PCP4: variants seen among roughly 807,000 people sequenced by gnomAD.
The protein encoded by PCP4 is calmodulin regulator protein PCP4.
In PCP4, 8 loss-of-function variants were observed where a neutral mutation model predicts 10.0. The observed-to-expected ratio is 0.80, with a 90% CI of 0.47 to 1.45. The LOEUF is 1.45. PCP4 is among the 40% of genes most tolerant of loss of function. The pLI is 0.00. For missense variants in PCP4, 54 were observed against 74.4 expected, an observed-to-expected ratio of 0.73 and a Z score of 1.01; for synonymous variants, 21 against 23.0, an observed-to-expected ratio of 0.91 and a Z score of 0.24.
chr21:39,873,113 A>G (rs144994076), intron 1 of PCP4, among the ~76,000 whole-genome samples: 41 of 152,268 alleles, frequency 2.7e-4, no homozygotes, highest in Admixed American at 3.9e-4. Flanking sequence ...GATAAGCTCA[A>G]TGAAACTCAA....
chr21:39,908,562 C>G (rs531213344), intron 2 of PCP4, among the ~76,000 whole-genome samples: 61 of 152,240 alleles, frequency 4.0e-4, no homozygotes, highest in African/African-American at 1.4e-3. Context: ...AGCCACACAC[C>G]CACAGACTGT....
At chr21:39,907,323 C>T (rs1049103032) in intron 2 of PCP4, among the ~76,000 whole-genome samples, 1 of 152,086 alleles carries the variant, frequency 6.6e-6, no homozygotes, top group Non-Finnish European at 1.5e-5. Context: ...GGGCAGAAGT[C>T]CCCAGGGTCA....
chr21:39,913,927 G>T (rs2087554514), intron 2 of PCP4, among the ~76,000 whole-genome samples: 1 of 148,208 alleles, frequency 6.7e-6, no homozygotes, highest in South Asian at 2.2e-4. Flanking sequence ...GGCGGGAAGT[G>T]CCCCATGAGA....
intron 2 of PCP4, among the ~76,000 whole-genome samples, chr21:39,908,639 G>A (rs1187882159): frequency 6.6e-6 from 1 of 152,156 alleles, no homozygotes; most frequent in Non-Finnish European, 1.5e-5. Flanking sequence ...ACTGAGCAGA[G>A]TCTCTGGATG....
At chr21:39,887,913 G>A (rs927161944) in intron 1 of PCP4, among the ~76,000 whole-genome samples, 2 of 152,240 alleles carry the variant, frequency 1.3e-5, no homozygotes, top group South Asian at 4.1e-4. Flanking sequence ...TCTCTGCTGT[G>A]TGGGGTATTA....
At chr21:39,884,684 C>T (rs2087391422) in intron 1 of PCP4, among the ~76,000 whole-genome samples, 1 of 151,926 alleles carries the variant, frequency 6.6e-6, no homozygotes, top group African/African-American at 2.4e-5. Context: ...GTAATCCCAG[C>T]TACTCGGGAG....
At chr21:39,893,896 A>G (rs948223386) in intron 1 of PCP4, among the ~76,000 whole-genome samples, 2 of 152,186 alleles carry the variant, frequency 1.3e-5, no homozygotes, top group African/African-American at 4.8e-5. Context: ...GTCTCTGATG[A>G]TGTAGATAGA....
rs528310664 is a variant in PCP4, at chr21:39,905,902, G to T, written c.61+7375G>T. ...TCTCTACTAAAAATACAAAAAATTA[G>T]CCGGGGGTGTGGTGGTGGCTGCCTG... On this transcript the variant is annotated intron_variant, in intron 2 of 2. Transcript: ENST00000328619. Among the ~76,000 whole-genome samples, 3 of 152,248 alleles carry T rather than the reference G, an allele frequency of 2.0e-5. No individual in the cohort carries two copies. The South Asian group carries it at 6.2e-4, about 32-fold the overall frequency.
chr21:39,918,743 C>A (rs1005714129), intron 2 of PCP4, among the ~76,000 whole-genome samples: 1 of 152,112 alleles, frequency 6.6e-6, no homozygotes, highest in Non-Finnish European at 1.5e-5. Context: ...AGCCCCCATT[C>A]GATAAATATG....
intron 2 of PCP4, among the ~76,000 whole-genome samples, chr21:39,918,378 C>T (rs2087579204): frequency 6.6e-6 from 1 of 152,052 alleles, no homozygotes; most frequent in Admixed American, 6.5e-5. Flanking sequence ...GCCCGAGAAA[C>T]AGAATAATAG....
chr21:39,899,337 G>T (rs989914230), intron 2 of PCP4, among the ~76,000 whole-genome samples: 4 of 152,174 alleles, frequency 2.6e-5, no homozygotes, highest in Non-Finnish European at 5.9e-5. Context: ...AACTCAAGAT[G>T]AACTCTCCTT....
chr21:39,880,211 A>T (rs955753638), intron 1 of PCP4, among the ~76,000 whole-genome samples: 1 of 148,628 alleles, frequency 6.7e-6, no homozygotes, highest in Non-Finnish European at 1.5e-5. Flanking sequence ...TTCCCTGTCC[A>T]AGTGGAAGCT....
chr21:39,894,610 A>C (rs972218407), intron 1 of PCP4, among the ~76,000 whole-genome samples: 1 of 152,230 alleles, frequency 6.6e-6, no homozygotes, highest in Non-Finnish European at 1.5e-5. Flanking sequence ...GATACCATTG[A>C]ATCATTTCTG....
intron 2 of PCP4, among the ~76,000 whole-genome samples, chr21:39,902,819 G>T (rs2837283): frequency 0.14 from 21,078 of 152,096 alleles, 1,670 homozygotes; most frequent in Middle Eastern, 0.23. Flanking sequence ...TTCATCATTT[G>T]ATTAGTTAAG....
At chr21:39,925,368 G>A (rs1331239569) in intron 2 of PCP4, among the ~76,000 whole-genome samples, 1 of 152,204 alleles carries the variant, frequency 6.6e-6, no homozygotes, top group African/African-American at 2.4e-5. Context: ...ATAAAGGCAT[G>A]CCTTTGACAG....
chr21:39,926,976 C>T (rs2087624790), intron 2 of PCP4, among the ~76,000 whole-genome samples: 1 of 152,210 alleles, frequency 6.6e-6, no homozygotes, highest in Non-Finnish European at 1.5e-5. Flanking sequence ...TTGGTGCACT[C>T]AACATCTCTG....
chr21:39,882,342 A>G (rs1214864733), intron 1 of PCP4, among the ~76,000 whole-genome samples: 2 of 152,098 alleles, frequency 1.3e-5, no homozygotes, highest in African/African-American at 2.4e-5. Context: ...CTGCTTAGGG[A>G]CTGGCAGGGC....
chr21:39,890,748 T>C (rs1270507613), intron 1 of PCP4, among the ~76,000 whole-genome samples: 3 of 152,180 alleles, frequency 2.0e-5, no homozygotes. Flanking sequence ...ATGATTTATT[T>C]TGATTACTGA....
intron 2 of PCP4, among the ~76,000 whole-genome samples, chr21:39,902,548 A>T (rs1048454312): frequency 6.6e-6 from 1 of 152,182 alleles, no homozygotes; most frequent in East Asian, 1.9e-4. Context: ...TGTTGTCAAC[A>T]TGGTATTTAT....
Sources: gnomAD v4.1 joint callset for allele counts (sites outside exome capture counted in the v4.1 genomes callset) on GRCh38, gnomAD v4.1.1 for gene constraint, MANE v1.5 for transcripts, NCBI Gene and HGNC (gene_info 2026-07-23, HGNC 2026-07-21) for gene names.